Variants in TDRD9 observed in about 807,000 individuals in gnomAD.
TDRD9 encodes ATP-dependent RNA helicase TDRD9.
Under a neutral mutation model 172.6 loss-of-function variants are expected in TDRD9, and 124 were observed. That is an observed-to-expected ratio of 0.72 (90% CI 0.62 to 0.83). The LOEUF (loss-of-function observed/expected upper bound fraction) is 0.83. TDRD9 is among the 40% of genes least tolerant of loss of function. The pLI is 0.00. For synonymous variants in TDRD9, 619 were observed against 617.1 expected, an observed-to-expected ratio of 1.00 and a Z score of -0.05; for missense variants, 1,479 against 1,714.1, an observed-to-expected ratio of 0.86 and a Z score of 2.42.
intron 8 of TDRD9, among the ~76,000 whole-genome samples, chr14:103,988,004 C>G (rs2033734711): frequency 1.3e-5 from 2 of 152,192 alleles, no homozygotes; most frequent in Non-Finnish European, 2.9e-5. Context: ...AAATGCACCT[C>G]TTATCTCTCG....
chr14:103,983,045 G>T (rs991449858), intron 7 of TDRD9, among the ~76,000 whole-genome samples: 1 of 149,232 alleles, frequency 6.7e-6, no homozygotes, highest in African/African-American at 2.5e-5. Flanking sequence ...ACCTGGACTC[G>T]CTGTGGGTCA....
rs1347694375 is a variant in TDRD9 at position 104,022,193 on chromosome 14, A to C, written c.2469A>C (p.Arg823Ser). Residue 823 changes from arginine to serine, a missense_variant, in exon 24 of 36, where the codon AGA (arginine) becomes AGC (serine). This residue lies in a region of TDRD9 where 1,413 missense variants were observed against 1,649.1 expected (regional missense o/e 0.86). Coordinates refer to ENST00000409874, the MANE Select transcript of TDRD9 (RefSeq NM_153046.3). Reference sequence around the variant, plus strand: ...AATTCTCACGAAATCCAACAGAGAGATTTAAAACCCTTCCTGCAGTATATA... The same window carrying C: ...AATTCTCACGAAATCCAACAGAGAGCTTTAAAACCCTTCCTGCAGTATATA... ...FVEFSRNPTE[R>S]FKTLPAVYMA... The C allele has an allele frequency of 1.9e-6, 3 of 1,569,282 alleles. No individual in the cohort carries two copies. The highest frequency in any genetic ancestry group is 2.6e-6 in the Non-Finnish European group (3 of 1,156,892).
rs532712069 is a variant in TDRD9 at position 103,998,505 on chromosome 14, C to T, written c.1379-119C>T. On this transcript the variant is annotated intron_variant, in intron 12 of 35. Transcript: ENST00000409874. ...GTCGGTGCGTGGCCAAACGTTTCTGCCTGTTCACTAATTCTTAAGGCTGCA... is the reference window on the plus strand; with the variant it reads ...GTCGGTGCGTGGCCAAACGTTTCTGTCTGTTCACTAATTCTTAAGGCTGCA... 166 of 676,266 alleles carry T rather than the reference C, an allele frequency of 2.5e-4. 1 individual carries two copies. The highest frequency in any genetic ancestry group is 4.1e-4 in the Non-Finnish European group (156 of 383,440). The allele number at this position is 676,266 out of a possible 1,614,324, so 41.9% of individuals were successfully genotyped here. A position where few individuals can be genotyped will look rare whatever the true frequency, so the allele number is the denominator to read the frequency against.
At chr14:103,941,030 C>A (rs2031197094) in intron 1 of TDRD9, 1 of 1,535,372 alleles carries the variant, frequency 6.5e-7, no homozygotes. Flanking sequence ...CTTAGGAAGT[C>A]TTTCAGAACT....
chr14:104,008,982 T>C (rs2034528569), intron 20 of TDRD9, among the ~76,000 whole-genome samples: 1 of 152,232 alleles, frequency 6.6e-6, no homozygotes, highest in African/African-American at 2.4e-5. Flanking sequence ...CATTGCTTAA[T>C]GACAGGAATA....
Position 103,928,513 on chromosome 14 carries a change from C to T in TDRD9, c.4C>T (p.Leu2=), listed in dbSNP as rs9324066. The change falls in exon 1 of 36, where the codon CTG becomes TTG. Residue 2 remains leucine (L), a synonymous_variant. Coordinates refer to ENST00000409874, the MANE Select transcript of TDRD9 (RefSeq NM_153046.3). The stretch of plus-strand genomic sequence containing the variant: ...TGCCGACGCCTGGGCCTTGAGGATG[C>T]TGCGGAAGCTCACCATCGAGCAGAT... M[L]RKLTIEQIND... 0.4 allele frequency: 567,370 copies of T among 1,424,012 alleles called. 115,760 individuals are homozygous for T. Among genetic ancestry groups the T allele is most frequent in the African/African-American group, 0.57 (37,820 of 66,142 alleles). 88.2% of individuals were successfully genotyped at this position (1,424,012 alleles called of 1,614,324 possible). A position where few individuals can be genotyped will look rare whatever the true frequency, so the allele number is the denominator to read the frequency against.
chr14:104,046,525 G>A (rs2035781988), intron 34 of TDRD9, among the ~76,000 whole-genome samples: 1 of 152,140 alleles, frequency 6.6e-6, no homozygotes, highest in African/African-American at 2.4e-5. Flanking sequence ...AAATGAATTG[G>A]CCATAAATGT....
intron 25 of TDRD9, among the ~76,000 whole-genome samples, chr14:104,025,247 G>A (rs141927464): frequency 1.2e-3 from 186 of 152,310 alleles, no homozygotes; most frequent in Non-Finnish European, 1.9e-3. Flanking sequence ...CTCCCAAAGT[G>A]CTGGCATTAC....
chr14:103,946,046 G>A (rs1043012605), intron 1 of TDRD9, among the ~76,000 whole-genome samples: 9 of 151,808 alleles, frequency 5.9e-5, no homozygotes, highest in Non-Finnish European at 1.5e-5. Flanking sequence ...GCTCACTGCA[G>A]CCTCAGCCTC....
intron 2 of TDRD9, among the ~76,000 whole-genome samples, chr14:103,956,097 AAAAAAAAAAAAAAAATATAT>A (rs1342838743): frequency 5.9e-5 from 3 of 51,016 alleles, no homozygotes; most frequent in East Asian, 4.8e-4. Flanking sequence ...AAAAAAAAAA[AAAAAAAAAAAAAAAATATAT>A]ATATATATAT....
At chr14:104,034,892 C>G in intron 31 of TDRD9, 68 bp from the exon 32 acceptor site, 2 of 1,259,972 alleles carry the variant, frequency 1.6e-6, no homozygotes, top group Non-Finnish European at 2.2e-6. Flanking sequence ...TAGGAGCGGG[C>G]CGGGAGGGAA....
At chr14:104,032,770 C>T (rs993298077) in intron 30 of TDRD9, among the ~76,000 whole-genome samples, 3 of 152,018 alleles carry the variant, frequency 2.0e-5, no homozygotes, top group African/African-American at 7.3e-5. Flanking sequence ...ATGCAGTTGG[C>T]GGGTGGGGGG....
intron 22 of TDRD9, among the ~76,000 whole-genome samples, chr14:104,016,853 A>G (rs1373358628): frequency 6.6e-6 from 1 of 152,172 alleles, no homozygotes; most frequent in African/African-American, 2.4e-5. Flanking sequence ...TATCCTGGTT[A>G]TTGTTACACC....
chr14:104,047,904 G>A (rs938009206), intron 34 of TDRD9, among the ~76,000 whole-genome samples: 2 of 152,114 alleles, frequency 1.3e-5, no homozygotes, highest in Admixed American at 6.6e-5. Flanking sequence ...CTGATTCATT[G>A]TTATCCTATT....
At position 103,951,933 on chromosome 14, in the gene TDRD9, A is replaced by AT. The variant is rs961426265; in HGVS notation, c.216-3723dup. Among the ~76,000 whole-genome samples, 76 of 149,344 alleles carry AT rather than the reference A, an allele frequency of 5.1e-4. 1 individual carries two copies. The highest frequency in any genetic ancestry group is 1.4e-3 in the African/African-American group (57 of 40,762). ...AGGCGCCCGCCACCATGCCAGGCTA[A>AT]TTTTTTTTGTATTTTTAGTAGAGAC... On this transcript the variant is annotated intron_variant, in intron 1 of 35. Transcript: ENST00000409874.
chr14:104,019,565 A>G lies in TDRD9; in HGVS notation c.2432+1373A>G, dbSNP rs527275164. On this transcript the variant is annotated intron_variant, in intron 23 of 35. Transcript: ENST00000409874. ...CCAATTTTTTGGGGGAAGTAACAGTATTCTTTCTGTACCAGTACCAGTTCT... is the reference window on the plus strand; with the variant it reads ...CCAATTTTTTGGGGGAAGTAACAGTGTTCTTTCTGTACCAGTACCAGTTCT... Among the ~76,000 whole-genome samples the G allele has an allele frequency of 1.2e-4, 19 of 152,320 alleles. No individual in the cohort carries two copies. In the South Asian group the frequency reaches 3.7e-3, roughly 30 times the overall value.
intron 11 of TDRD9, 129 bp downstream of exon 11, chr14:103,994,732 G>C: frequency 1.4e-6 from 1 of 694,084 alleles, no homozygotes; most frequent in Non-Finnish European, 2.4e-6. Context: ...AGGCTGAGGT[G>C]GGTGAATCAT....
chr14:103,945,337 T>C (rs1375082412), intron 1 of TDRD9: 3 of 152,232 alleles, frequency 2.0e-5, no homozygotes, highest in African/African-American at 7.2e-5. Context: ...ACATTGAGTA[T>C]ACCTTCCTTT....
Position 103,965,574 on chromosome 14 carries a change from A to C in TDRD9, c.642+20A>C. ...TACCAGGTGAGACTGGGAGGGAGGGAGGGACTAAGAGAGCCAGCTGTCTCT... is the reference window on the plus strand; with the variant it reads ...TACCAGGTGAGACTGGGAGGGAGGGCGGGACTAAGAGAGCCAGCTGTCTCT... On this transcript the variant is annotated intron_variant, in intron 4 of 35. Coordinates refer to ENST00000409874, the MANE Select transcript of TDRD9 (RefSeq NM_153046.3). 4.1e-5 allele frequency: 26 copies of C among 632,254 alleles called. No individual in the cohort carries two copies. The highest frequency in any genetic ancestry group is 3.8e-4 in the Middle Eastern group (1 of 2,646). 39.2% of individuals were successfully genotyped at this position (632,254 alleles called of 1,614,324 possible).
Sources: gnomAD v4.1 joint callset for allele counts (sites outside exome capture counted in the v4.1 genomes callset) on GRCh38, gnomAD v4.1.1 for gene constraint, gnomAD v4.1.1 regional missense constraint, MANE v1.5 for transcripts, NCBI Gene and HGNC (gene_info 2026-07-23, HGNC 2026-07-21) for gene names.